The following RBMS3 variants were observed in gnomAD, a reference collection of about 807,000 sequenced individuals.
RBMS3 encodes the protein RNA binding motif single stranded interacting protein 3, also known as RNA-binding motif, single-stranded-interacting protein 3.
RBMS3 carries 27 observed loss-of-function variants against 66.8 expected under a neutral mutation model. The ratio of observed to expected loss-of-function variants is 0.40; its 90% confidence interval spans 0.30 to 0.56. RBMS3 has a LOEUF of 0.56. Among genes scored for constraint, RBMS3 ranks in the 20% least tolerant of loss-of-function variants. The pLI is 0.40. For missense variants in RBMS3, 513 were observed against 549.5 expected, an observed-to-expected ratio of 0.93 and a Z score of 0.66; for synonymous variants, 188 against 183.0, an observed-to-expected ratio of 1.03 and a Z score of -0.22.
intron 2 of RBMS3, among the ~76,000 whole-genome samples, chr3:29,474,887 G>T (rs1392794547): frequency 6.6e-6 from 1 of 152,162 alleles, no homozygotes; most frequent in Non-Finnish European, 1.5e-5. Context: ...TCCCATGATT[G>T]AATTTGGTTG....
intron 1 of RBMS3, among the ~76,000 whole-genome samples, chr3:29,421,005 C>T (rs1051433626): frequency 2.0e-5 from 3 of 149,544 alleles, no homozygotes; most frequent in African/African-American, 4.9e-5. Context: ...CCCAACTACT[C>T]GAGAGGCCGA....
At chr3:29,621,712 A>G (rs1222658144) in intron 4 of RBMS3, among the ~76,000 whole-genome samples, 1 of 152,176 alleles carries the variant, frequency 6.6e-6, no homozygotes, top group African/African-American at 2.4e-5. Flanking sequence ...TGCCTGGTTC[A>G]AGCATGCTAC....
At chr3:29,414,318 G>A (rs1176639958) in intron 1 of RBMS3, among the ~76,000 whole-genome samples, 1 of 152,128 alleles carries the variant, frequency 6.6e-6, no homozygotes, top group Non-Finnish European at 1.5e-5. Context: ...CACAGTCAAA[G>A]GACCACCCAC....
intron 4 of RBMS3, among the ~76,000 whole-genome samples, chr3:29,644,008 G>T (rs2049825324): frequency 6.6e-6 from 1 of 152,188 alleles, no homozygotes; most frequent in East Asian, 1.9e-4. Context: ...CAAAATTGAG[G>T]TTTCAGTGGC....
In RBMS3 at chr3:29,764,147, A is replaced by G. The variant is rs148735990; in HGVS notation, c.637+1158A>G. On this transcript the variant is annotated intron_variant, in intron 6 of 14. Coordinates refer to ENST00000383767, the MANE Select transcript of RBMS3 (RefSeq NM_001003793.3). ...AAGGGGGGATGTCAAGAATGCAGAAAGACCCTTCAGACAGACACTTGCATA... is the reference window on the plus strand; with the variant it reads ...AAGGGGGGATGTCAAGAATGCAGAAGGACCCTTCAGACAGACACTTGCATA... Among the ~76,000 whole-genome samples, 632 of 152,154 alleles carry G rather than the reference A, an allele frequency of 4.2e-3. 15 individuals are homozygous for G. Among genetic ancestry groups the G allele is most frequent in the Admixed American group, 0.034 (521 of 15,248 alleles).
At chr3:29,824,584 G>A (rs1238721353) in intron 6 of RBMS3, among the ~76,000 whole-genome samples, 1 of 152,092 alleles carries the variant, frequency 6.6e-6, no homozygotes, top group Non-Finnish European at 1.5e-5. Flanking sequence ...GGTGAGTTAT[G>A]TTCACCAATT....
rs1553688529 is a variant in RBMS3, at chr3:29,865,124, G to GGAAGGAAGGAAA, written c.638-3733_638-3722dup. On this transcript the variant is annotated intron_variant, in intron 6 of 14. Coordinates refer to ENST00000383767, the MANE Select transcript of RBMS3 (RefSeq NM_001003793.3). ...AGGGAGGGAGGAAGGAAGGAAGGAA[G>GGAAGGAAGGAAA]GAAGGAAGGAAATTTGCCTAGTATT... Among the ~76,000 whole-genome samples, 113 of 151,152 alleles carry GGAAGGAAGGAAA rather than the reference G, an allele frequency of 7.5e-4. 1 individual carries two copies. Among genetic ancestry groups the GGAAGGAAGGAAA allele is most frequent in the African/African-American group, 2.6e-3 (106 of 40,760 alleles).
chr3:29,885,562 T>C (rs73831078), intron 8 of RBMS3, among the ~76,000 whole-genome samples: 6,590 of 152,002 alleles, frequency 0.043, 384 homozygotes, highest in African/African-American at 0.13. Flanking sequence ...TTGTGCAAAG[T>C]ACTTTGTAAT....
intron 4 of RBMS3, among the ~76,000 whole-genome samples, chr3:29,737,686 CT>C (rs202023464): frequency 8.1e-4 from 122 of 150,984 alleles, no homozygotes; most frequent in African/African-American, 2.3e-3. Flanking sequence ...GAAATGTCCC[CT>C]TTTTTTTTAT....
intron 6 of RBMS3, among the ~76,000 whole-genome samples, chr3:29,785,268 C>T (rs1237412847): frequency 1.3e-5 from 2 of 152,002 alleles, no homozygotes; most frequent in African/African-American, 2.4e-5. Flanking sequence ...AAATCCTCAA[C>T]AAAATACTAG....
chr3:29,518,565 T>C (rs146081105), intron 3 of RBMS3, among the ~76,000 whole-genome samples: 336 of 152,296 alleles, frequency 2.2e-3, no homozygotes, highest in Admixed American at 4.7e-3. Flanking sequence ...ATGAAAACAT[T>C]TATGTTTTCA....
intron 13 of RBMS3, among the ~76,000 whole-genome samples, chr3:29,988,494 C>T (rs955476106): frequency 6.6e-6 from 1 of 152,174 alleles, no homozygotes; most frequent in Non-Finnish European, 1.5e-5. Context: ...ACAACTCCAT[C>T]AAATTTTAAT....
rs528384578 is a variant in RBMS3 at position 29,650,933 on chromosome 3, G to T, written c.399+63728G>T. 8.5e-5 allele frequency among the ~76,000 whole-genome samples: 13 copies of T among 152,190 alleles called. 1 individual carries two copies. Among genetic ancestry groups the T allele is most frequent in the African/African-American group, 3.1e-4 (13 of 41,530 alleles). On this transcript the variant is annotated intron_variant, in intron 4 of 14. Transcript: ENST00000383767. The stretch of plus-strand genomic sequence containing the variant: ...TAGGAATGCTGGTTTATTCACTAGG[G>T]TATAAATGCAATTTATTTTACAGAG...
At chr3:29,574,164 G>A (rs1360248211) in intron 3 of RBMS3, among the ~76,000 whole-genome samples, 1 of 152,102 alleles carries the variant, frequency 6.6e-6, no homozygotes, top group Non-Finnish European at 1.5e-5. Flanking sequence ...GATTATTGAT[G>A]TCTTAGCTAT....
chr3:29,983,236 C>G (rs1287085764), intron 12 of RBMS3, among the ~76,000 whole-genome samples: 1 of 149,072 alleles, frequency 6.7e-6, no homozygotes, highest in Admixed American at 6.9e-5. Flanking sequence ...CAACCCCCGC[C>G]CCCTTTTTTT....
intron 14 of RBMS3, among the ~76,000 whole-genome samples, chr3:29,994,569 G>T (rs992234148): frequency 1.2e-3 from 178 of 152,220 alleles, no homozygotes; most frequent in African/African-American, 3.4e-3. Flanking sequence ...CTCCCAGCAC[G>T]CAGCTGGAGA....
intron 4 of RBMS3, among the ~76,000 whole-genome samples, chr3:29,636,028 G>A (rs2149185674): frequency 7.3e-6 from 1 of 137,742 alleles, no homozygotes; most frequent in East Asian, 2.2e-4. Context: ...GTCTGATGCT[G>A]TCATCAAGAA....
At chr3:29,311,915 C>T (rs1330049102) in intron 1 of RBMS3, among the ~76,000 whole-genome samples, 1 of 151,782 alleles carries the variant, frequency 6.6e-6, no homozygotes, top group Non-Finnish European at 1.5e-5. Flanking sequence ...GCCTTGGTTT[C>T]CTTATTTGGA....
intron 4 of RBMS3, among the ~76,000 whole-genome samples, chr3:29,589,752 C>T (rs1245940043): frequency 2.0e-5 from 3 of 151,966 alleles, no homozygotes; most frequent in Admixed American, 1.3e-4. Flanking sequence ...ATATTTTTGG[C>T]CATTTAAGTA....
Sources: gnomAD v4.1 joint callset for allele counts (sites outside exome capture counted in the v4.1 genomes callset) on GRCh38, gnomAD v4.1.1 for gene constraint, MANE v1.5 for transcripts, NCBI Gene and HGNC (gene_info 2026-07-23, HGNC 2026-07-21) for gene names.